Variants in CD86 observed in about 807,000 individuals in gnomAD.
CD86 encodes CD86 molecule.
Under a neutral mutation model 32.1 loss-of-function variants are expected in CD86, and 11 were observed. The observed-to-expected ratio is 0.34, with a 90% CI of 0.22 to 0.57. The LOEUF (loss-of-function observed/expected upper bound fraction) is 0.57. Among genes scored for constraint, CD86 ranks in the 20% least tolerant of loss-of-function variants. The pLI is 0.86. For missense variants in CD86, 359 were observed against 398.4 expected (o/e 0.90, Z 0.84); for synonymous variants, 137 against 135.3 (o/e 1.01, Z -0.09).
In CD86 at chr3:122,109,284, TC is replaced by T. The variant is rs1442272750; in HGVS notation, c.728del (p.Pro243GlnfsTer18). ...TTGTAGAGCTTGAGGACCCTCAGCC[TC>T]CCCCAGACCACATTCCTTGGATTAC... Reference protein sequence around the residue: ...FSIELEDPQPPPDHIPWITAV... With the variant: ...FSIELEDPQPXPDHIPWITAV... On this transcript the variant is annotated frameshift_variant, in exon 5 of 7. Coordinates refer to ENST00000330540, the MANE Select transcript of CD86 (RefSeq NM_175862.5). LOFTEE classifies it high-confidence loss of function. 6.2e-7 allele frequency: 1 copy of T among 1,613,582 alleles called. No homozygotes were observed. Among genetic ancestry groups the T allele is most frequent in the Non-Finnish European group, 8.5e-7 (1 of 1,179,786 alleles).
chr3:122,060,303 C>A (rs1228176930), intron 1 of CD86, among the ~76,000 whole-genome samples: 1 of 152,220 alleles, frequency 6.6e-6, no homozygotes, highest in Non-Finnish European at 1.5e-5. Context: ...TTGCAGAACA[C>A]TCCCAGTTGA....
intron 1 of CD86, among the ~76,000 whole-genome samples, chr3:122,070,237 G>A (rs1374078996): frequency 2.0e-5 from 3 of 152,040 alleles, no homozygotes; most frequent in Non-Finnish European, 4.4e-5. Context: ...CTAGTTTCTG[G>A]GTTCAGAAAT....
At chr3:122,073,049 G>A (rs540893932) in intron 1 of CD86, among the ~76,000 whole-genome samples, 10 of 151,260 alleles carry the variant, frequency 6.6e-5, no homozygotes, top group Admixed American at 3.3e-4. Context: ...GTAGATATGC[G>A]GCCTTATTTC....
rs534485671 is a variant in CD86 at position 122,115,228 on chromosome 3, G to A, written c.848-2820G>A. ...TTTCTATATACTAACAAAAGCAATT[G>A]TACATTGAAAAAAATTAATAGCATT... On this transcript the variant is annotated intron_variant, in intron 5 of 6. Coordinates refer to ENST00000330540, the MANE Select transcript of CD86 (RefSeq NM_175862.5). 6.6e-5 allele frequency among the ~76,000 whole-genome samples: 10 copies of A among 151,902 alleles called. No homozygotes were observed. The South Asian group carries it at 2.1e-3, about 32-fold the overall frequency.
chr3:122,071,998 C>A (rs1457676464), intron 1 of CD86, among the ~76,000 whole-genome samples: 1 of 150,494 alleles, frequency 6.6e-6, no homozygotes, highest in Non-Finnish European at 1.5e-5. Flanking sequence ...TTTGTCCTTG[C>A]GGTAGTTTAC....
At chr3:122,086,906 G>A (rs544648982) in intron 1 of CD86, among the ~76,000 whole-genome samples, 8 of 31,692 alleles carry the variant, frequency 2.5e-4, no homozygotes, top group East Asian at 9.0e-4. Flanking sequence ...ATTTTTAAAC[G>A]TGCTACACCA....
At chr3:122,109,443 CT>C (rs1559912989) in intron 5 of CD86, 35 bp downstream of exon 5, 2 of 1,612,164 alleles carry the variant, frequency 1.2e-6, no homozygotes, top group African/African-American at 2.7e-5. Context: ...CAGACTGTCA[CT>C]TTGCACCTAC....
At chr3:122,072,353 A>G (rs1376312954) in intron 1 of CD86, among the ~76,000 whole-genome samples, 6 of 151,386 alleles carry the variant, frequency 4.0e-5, no homozygotes, top group Admixed American at 2.6e-4. Flanking sequence ...CCAACAGTGT[A>G]AAAGTGTTCC....
chr3:122,087,966 T>C (rs2072751539), intron 1 of CD86, among the ~76,000 whole-genome samples: 1 of 152,210 alleles, frequency 6.6e-6, no homozygotes. Context: ...GGGCCATTTG[T>C]CCAAGATTCC....
chr3:122,107,824 A>G (rs904716699), intron 4 of CD86, among the ~76,000 whole-genome samples: 3 of 152,192 alleles, frequency 2.0e-5, no homozygotes, highest in Non-Finnish European at 4.4e-5. Context: ...CAACTTTACA[A>G]CTGGGCCAAT....
chr3:122,055,598 A>G (rs1049629514), intron 1 of CD86, 95 bp downstream of exon 1: 4 of 1,150,682 alleles, frequency 3.5e-6, no homozygotes, highest in African/African-American at 3.0e-5. Flanking sequence ...TGTGTCCTTC[A>G]CTTAGTTCCT....
At chr3:122,097,548 T>C (rs2072926718) in intron 2 of CD86, among the ~76,000 whole-genome samples, 1 of 152,196 alleles carries the variant, frequency 6.6e-6, no homozygotes, top group Non-Finnish European at 1.5e-5. Context: ...GAGGGTCAGG[T>C]AATCAGTGCA....
chr3:122,100,216 TC>T (rs2072977338), intron 2 of CD86, among the ~76,000 whole-genome samples: 2 of 152,134 alleles, frequency 1.3e-5, no homozygotes, highest in South Asian at 4.1e-4. Flanking sequence ...AATGCCAAAA[TC>T]CTCATTTAGC....
chr3:122,107,011 T>C (rs1401749129), intron 4 of CD86, among the ~76,000 whole-genome samples: 1 of 152,174 alleles, frequency 6.6e-6, no homozygotes, highest in African/African-American at 2.4e-5. Flanking sequence ...CAGAACCCTG[T>C]AATGTGCACA....
Position 122,101,523 on chromosome 3 carries a change from T to A in CD86, c.65-1989T>A, listed in dbSNP as rs1256208244. Among the ~76,000 whole-genome samples the A allele has an allele frequency of 5.7e-4, 53 of 93,068 alleles. No homozygotes were observed. The South Asian group carries it at 0.012, about 21-fold the overall frequency. The allele number at this position is 93,068 out of a possible 152,430, so 61.1% of individuals were successfully genotyped here. ...AAAAAAAAAAAAAAAAATATATATA[T>A]ATATATATATATATATATGTAAATC... On this transcript the variant is annotated intron_variant, in intron 2 of 6. Coordinates refer to ENST00000330540, the MANE Select transcript of CD86 (RefSeq NM_175862.5).
At chr3:122,110,086 T>C (rs1047818435) in intron 5 of CD86, among the ~76,000 whole-genome samples, 3 of 152,240 alleles carry the variant, frequency 2.0e-5, no homozygotes, top group Admixed American at 2.0e-4. Context: ...ACAATTTGGA[T>C]AATATATGTA....
At chr3:122,069,609 C>T (rs2072461957) in intron 1 of CD86, among the ~76,000 whole-genome samples, 1 of 151,652 alleles carries the variant, frequency 6.6e-6, no homozygotes, top group African/African-American at 2.4e-5. Context: ...GAGTTGTGAG[C>T]CCATCAGTTT....
intron 1 of CD86, among the ~76,000 whole-genome samples, chr3:122,089,049 C>T (rs887131204): frequency 1.3e-5 from 2 of 152,122 alleles, no homozygotes; most frequent in East Asian, 1.9e-4. Context: ...CCCTTGAATA[C>T]ATTATACTAA....
chr3:122,114,608 T>C (rs1439354606), intron 5 of CD86, among the ~76,000 whole-genome samples: 1 of 152,170 alleles, frequency 6.6e-6, no homozygotes, highest in African/African-American at 2.4e-5. Context: ...CGTGAAATGC[T>C]TAACAAAATT....
Sources: allele counts gnomAD v4.1 joint callset (sites outside exome capture counted in the v4.1 genomes callset), GRCh38; gene constraint gnomAD v4.1.1; transcripts MANE v1.5; gene names NCBI Gene and HGNC (gene_info 2026-07-23, HGNC 2026-07-21).